The following GRIK4 variants were observed in gnomAD, a reference collection of about 807,000 sequenced individuals.
GRIK4 encodes the protein glutamate receptor ionotropic, kainate 4.
In GRIK4, 40 loss-of-function variants were observed where a neutral mutation model predicts 104.9. The ratio of observed to expected loss-of-function variants is 0.38; its 90% confidence interval spans 0.30 to 0.50. GRIK4 has a LOEUF of 0.50. GRIK4 is among the 20% of genes least tolerant of loss of function. The pLI is 0.93. For synonymous variants in GRIK4, 485 were observed against 524.9 expected (o/e 0.92, Z 1.04); for missense variants, 1,047 against 1,308.1 (o/e 0.80, Z 3.08).
Position 120,956,704 on chromosome 11 carries a change from C to T in GRIK4, c.1701-76C>T, listed in dbSNP as rs915166529. On this transcript the variant is annotated intron_variant, in intron 15 of 20. Transcript: ENST00000527524. This position sits in a 1 kb window ranked among gnomAD's most constrained non-coding sequence, Gnocchi z 4.6. Reference sequence around the variant, plus strand: ...CCACAGGCCGGTCTCAGAGGTGAGACCAGCCAGGAGAGCCTGCCTGTGTCC... The same window carrying T: ...CCACAGGCCGGTCTCAGAGGTGAGATCAGCCAGGAGAGCCTGCCTGTGTCC... 2 of 1,159,784 alleles carry T rather than the reference C, an allele frequency of 1.7e-6. No homozygotes were observed. The highest frequency in any genetic ancestry group is 2.3e-6 in the Non-Finnish European group (2 of 859,812). 71.8% of individuals were successfully genotyped at this position (1,159,784 alleles called of 1,614,324 possible). A position where few individuals can be genotyped will look rare whatever the true frequency, so the allele number is the denominator to read the frequency against.
chr11:120,536,441 G>A (rs947848182), intron 1 of GRIK4, among the ~76,000 whole-genome samples: 2 of 152,202 alleles, frequency 1.3e-5, no homozygotes, highest in African/African-American at 2.4e-5. Flanking sequence ...GCTGTACATC[G>A]CCCTGGGCTG....
intron 1 of GRIK4, among the ~76,000 whole-genome samples, chr11:120,532,046 G>C (rs982907685): frequency 6.6e-6 from 1 of 152,156 alleles, no homozygotes; most frequent in Non-Finnish European, 1.5e-5. Flanking sequence ...CAGGTGGAAG[G>C]TCTCCATTCA....
At chr11:120,540,347 G>A (rs1439656604) in intron 1 of GRIK4, among the ~76,000 whole-genome samples, 6 of 152,322 alleles carry the variant, frequency 3.9e-5, no homozygotes, top group East Asian at 3.9e-4. Context: ...TCGGCTGGGC[G>A]TGGCGGCTCA....
In GRIK4 at chr11:120,953,085, A is replaced by T; in HGVS notation, c.1700+121A>T. ...GAGGAGTTGGGAAGATCTTGGTGCC[A>T]AACTAGAAGGACAGGAGAAGGACTG... On this transcript the variant is annotated intron_variant, in intron 15 of 20. Coordinates refer to ENST00000527524, the MANE Select transcript of GRIK4 (RefSeq NM_014619.5). The surrounding 1 kb of genome is among the most constrained non-coding windows in gnomAD (Gnocchi z 4.9). 3.0e-6 allele frequency: 2 copies of T among 668,266 alleles called. No homozygotes were observed. Among genetic ancestry groups the T allele is most frequent in the Admixed American group, 4.9e-5 (2 of 40,806 alleles). The allele number at this position is 668,266 out of a possible 1,614,324, so 41.4% of individuals were successfully genotyped here.
chr11:120,755,641 AAATAAT>A (rs370369560), intron 3 of GRIK4, among the ~76,000 whole-genome samples: 6 of 149,500 alleles, frequency 4.0e-5, no homozygotes, highest in South Asian at 2.1e-4. Context: ...CAAAGATAAT[AAATAAT>A]AATAATAATA....
chr11:120,539,609 T>C (rs1008907444), intron 1 of GRIK4, among the ~76,000 whole-genome samples: 2 of 152,220 alleles, frequency 1.3e-5, no homozygotes, highest in South Asian at 4.1e-4. Context: ...TCTTATTTGA[T>C]CTGGAGTTTA....
At chr11:120,928,979 GTGTGTGTGTGCGCGCGTGCACGCGTGTA>G (rs1314084554) in intron 13 of GRIK4, among the ~76,000 whole-genome samples, 2 of 149,582 alleles carry the variant, frequency 1.3e-5, no homozygotes, top group African/African-American at 5.0e-5. Flanking sequence ...GTGTGTGTGT[GTGTGTGTGTGCGCGCGTGCACGCGTGTA>G]TGTGTGTGTG....
At chr11:120,546,487 T>C (rs1294407855) in intron 1 of GRIK4, among the ~76,000 whole-genome samples, 1 of 152,162 alleles carries the variant, frequency 6.6e-6, no homozygotes, top group Non-Finnish European at 1.5e-5. Context: ...ATGGTTTCTG[T>C]GCCTGCCCCT....
At chr11:120,664,434 A>G (rs147387107) in intron 3 of GRIK4, among the ~76,000 whole-genome samples, 9 of 152,342 alleles carry the variant, frequency 5.9e-5, no homozygotes, top group South Asian at 4.1e-4. Flanking sequence ...TAATCAAAAT[A>G]ATAACTCCCA....
chr11:120,752,971 C>T (rs1461996544), intron 3 of GRIK4, among the ~76,000 whole-genome samples: 2 of 152,224 alleles, frequency 1.3e-5, no homozygotes, highest in Non-Finnish European at 2.9e-5. Context: ...GAGGTGCCTC[C>T]TCGTGGGCCA....
intron 8 of GRIK4, among the ~76,000 whole-genome samples, chr11:120,852,382 G>T (rs1953994120): frequency 6.6e-6 from 1 of 152,254 alleles, no homozygotes; most frequent in African/African-American, 2.4e-5. Flanking sequence ...TTGAGCACTT[G>T]CTAAGCGCAA....
intron 1 of GRIK4, among the ~76,000 whole-genome samples, chr11:120,570,207 G>C (rs1948379858): frequency 6.6e-6 from 1 of 152,214 alleles, no homozygotes; most frequent in South Asian, 2.1e-4. Flanking sequence ...AGGATCAGGG[G>C]TTGGGGATTT....
At chr11:120,768,236 C>T (rs1951873077) in intron 3 of GRIK4, among the ~76,000 whole-genome samples, 1 of 152,048 alleles carries the variant, frequency 6.6e-6, no homozygotes, top group African/African-American at 2.4e-5. Context: ...TCATCAACAT[C>T]TTATAGCTTT....
intron 16 of GRIK4, among the ~76,000 whole-genome samples, chr11:120,957,847 G>C (rs1944197891): frequency 6.6e-6 from 1 of 152,222 alleles, no homozygotes; most frequent in Non-Finnish European, 1.5e-5. Flanking sequence ...CCACTGGGCT[G>C]TTAGGAAGGT....
At chr11:120,637,676 T>C (rs1036167422) in intron 1 of GRIK4, among the ~76,000 whole-genome samples, 1 of 152,148 alleles carries the variant, frequency 6.6e-6, no homozygotes, top group Non-Finnish European at 1.5e-5. Flanking sequence ...TGCGGCGATC[T>C]GAAGCTGAAG....
intron 3 of GRIK4, among the ~76,000 whole-genome samples, chr11:120,798,682 A>C (rs1952568065): frequency 6.6e-6 from 1 of 151,954 alleles, no homozygotes; most frequent in South Asian, 2.1e-4. Context: ...GGATTTCACC[A>C]TGTTGGCCAG....
intron 8 of GRIK4, among the ~76,000 whole-genome samples, chr11:120,855,266 T>TA (rs1954074063): frequency 6.6e-6 from 1 of 152,192 alleles, no homozygotes; most frequent in East Asian, 1.9e-4. Context: ...AGCCTGCAGT[T>TA]ATACTGCATT....
At chr11:120,700,958 A>G (rs780604416) in intron 3 of GRIK4, among the ~76,000 whole-genome samples, 9 of 152,088 alleles carry the variant, frequency 5.9e-5, no homozygotes, top group Non-Finnish European at 1.2e-4. Context: ...GATACTTACC[A>G]CTGTATTACA....
chr11:120,900,822 A>G (rs1942715259), intron 12 of GRIK4, among the ~76,000 whole-genome samples: 1 of 152,102 alleles, frequency 6.6e-6, no homozygotes, highest in Non-Finnish European at 1.5e-5. Context: ...GCTCAGCCTT[A>G]GCTTATCTGA....
Sources: allele counts gnomAD v4.1 joint callset (sites outside exome capture counted in the v4.1 genomes callset), GRCh38; gene constraint gnomAD v4.1.1; non-coding constraint Gnocchi (gnomAD v3.1); transcripts MANE v1.5; gene names NCBI Gene and HGNC (gene_info 2026-07-23, HGNC 2026-07-21).